EPHA6: variants seen among roughly 807,000 people sequenced by gnomAD.
The protein encoded by EPHA6 is ephrin type-A receptor 6.
In EPHA6, 50 loss-of-function variants were observed where a neutral mutation model predicts 112.0. The observed-to-expected ratio is 0.45, with a 90% CI of 0.36 to 0.56. EPHA6 has a LOEUF of 0.56. Ranked by LOEUF, EPHA6 falls within the 20% of genes least tolerant of loss-of-function variation. The probability of loss-of-function intolerance (pLI) is 0.00; values close to 1 mark genes in which losing one functional copy is unlikely to be tolerated. For missense variants in EPHA6, 1,280 were observed against 1,417.4 expected (o/e 0.90, Z 1.56); for synonymous variants, 529 against 490.7 (o/e 1.08, Z -1.03).
At chr3:96,973,331 C>T (rs555233569) in intron 2 of EPHA6, among the ~76,000 whole-genome samples, 1 of 152,230 alleles carries the variant, frequency 6.6e-6, no homozygotes, top group East Asian at 1.9e-4. Flanking sequence ...AATCCTGTAC[C>T]ATGTATATCC....
chr3:97,023,572 A>G (rs968457316), intron 3 of EPHA6, among the ~76,000 whole-genome samples: 3 of 152,080 alleles, frequency 2.0e-5, no homozygotes, highest in African/African-American at 7.2e-5. Flanking sequence ...TGTTAGATAT[A>G]ATATTAGCAA....
At chr3:97,105,487 C>CA in intron 3 of EPHA6, among the ~76,000 whole-genome samples, 1 of 152,062 alleles carries the variant, frequency 6.6e-6, no homozygotes, top group African/African-American at 2.4e-5. Context: ...GTCTTGATTT[C>CA]TGTTTCTATT....
intron 3 of EPHA6, among the ~76,000 whole-genome samples, chr3:97,039,874 C>A (rs919318898): frequency 2.0e-4 from 30 of 151,802 alleles, no homozygotes; most frequent in African/African-American, 7.3e-4. Context: ...TCAAAGCCAG[C>A]CCTCGTAACC....
At chr3:97,217,181 A>G (rs1254338848) in intron 3 of EPHA6, among the ~76,000 whole-genome samples, 2 of 152,206 alleles carry the variant, frequency 1.3e-5, no homozygotes, top group Non-Finnish European at 2.9e-5. Context: ...CTGAGAGTTC[A>G]GGGAAATCAA....
At chr3:97,266,633 G>A (rs1559839109) in intron 5 of EPHA6, among the ~76,000 whole-genome samples, 1 of 152,114 alleles carries the variant, frequency 6.6e-6, no homozygotes, top group Non-Finnish European at 1.5e-5. Context: ...GCAAAAGCCT[G>A]GGTAGATTTG....
chr3:97,482,745 C>G (rs2091589061), intron 9 of EPHA6, among the ~76,000 whole-genome samples: 1 of 152,120 alleles, frequency 6.6e-6, no homozygotes, highest in African/African-American at 2.4e-5. Context: ...ACAGTTAACG[C>G]TGGGTATTAT....
At chr3:96,848,158 A>G (rs1055425141) in intron 1 of EPHA6, among the ~76,000 whole-genome samples, 5 of 152,174 alleles carry the variant, frequency 3.3e-5, no homozygotes, top group Non-Finnish European at 7.4e-5. Flanking sequence ...TAATTTTAAT[A>G]TGCTTGTTTT....
intron 2 of EPHA6, among the ~76,000 whole-genome samples, chr3:96,960,732 C>T (rs1052781469): frequency 6.6e-6 from 1 of 152,166 alleles, no homozygotes; most frequent in Non-Finnish European, 1.5e-5. Flanking sequence ...ACACCTTCAT[C>T]AAAACTTTAT....
At chr3:97,406,126 T>C (rs2109132880) in intron 6 of EPHA6, among the ~76,000 whole-genome samples, 1 of 152,288 alleles carries the variant, frequency 6.6e-6, no homozygotes, top group South Asian at 2.1e-4. Context: ...TGCATTTCTG[T>C]CCCTTACTAG....
rs776657215 is a variant in EPHA6, at chr3:97,592,737, G to A, written c.2512G>A (p.Gly838Ser). Residue 838 changes from glycine to serine, a missense_variant and splice_region_variant, in exon 12 of 18, where the codon GGC (glycine) becomes AGC (serine). By Grantham distance (56) the Gly-to-Ser change is moderately conservative (BLOSUM62 0). Transcript: ENST00000389672. ...GGSLPPRIPA[G>S]RPVMIVVEYM... ...ATCTTTGCCCCCCAGGATTCCTGCTGGTAGGTATTTCAGGTGAAGTTTTCT... is the reference window on the plus strand; with the variant it reads ...ATCTTTGCCCCCCAGGATTCCTGCTAGTAGGTATTTCAGGTGAAGTTTTCT... 6 of 1,584,800 alleles carry A rather than the reference G, an allele frequency of 3.8e-6. No homozygotes were observed. The East Asian group carries it at 1.4e-4, about 36-fold the overall frequency.
intron 5 of EPHA6, among the ~76,000 whole-genome samples, chr3:97,253,420 G>A (rs182205475): frequency 1.6e-4 from 25 of 152,178 alleles, no homozygotes; most frequent in Non-Finnish European, 3.4e-4. Context: ...TAGGTCTAAG[G>A]GTGGATTTCA....
chr3:97,568,161 A>G (rs1288642523), intron 11 of EPHA6, among the ~76,000 whole-genome samples: 1 of 152,186 alleles, frequency 6.6e-6, no homozygotes, highest in Admixed American at 6.5e-5. Flanking sequence ...AAGTCTCTTA[A>G]TAGCGAGAAT....
chr3:97,023,057 A>G (rs1222760113), intron 3 of EPHA6, among the ~76,000 whole-genome samples: 1 of 152,130 alleles, frequency 6.6e-6, no homozygotes. Context: ...GCAATAAAGT[A>G]TCTGTGGATC....
intron 5 of EPHA6, among the ~76,000 whole-genome samples, chr3:97,319,473 G>A (rs189592288): frequency 1.3e-5 from 2 of 151,310 alleles, no homozygotes; most frequent in African/African-American, 2.4e-5. Context: ...TTCGAGACCA[G>A]CCTGACCAAC....
chr3:97,592,272 G>A (rs529970935), intron 11 of EPHA6, among the ~76,000 whole-genome samples: 6 of 152,208 alleles, frequency 3.9e-5, no homozygotes, highest in African/African-American at 1.4e-4. Context: ...AACTCATGTA[G>A]GCATGAATTC....
intron 1 of EPHA6, among the ~76,000 whole-genome samples, chr3:96,818,026 GA>G (rs1485596130): frequency 6.6e-6 from 1 of 151,894 alleles, no homozygotes; most frequent in African/African-American, 2.4e-5. Context: ...TAAGTAAGTG[GA>G]AACATGAATT....
At chr3:97,439,817 G>T (rs1387382769) in intron 6 of EPHA6, among the ~76,000 whole-genome samples, 1 of 152,162 alleles carries the variant, frequency 6.6e-6, no homozygotes, top group African/African-American at 2.4e-5. Flanking sequence ...ATTATAGTTA[G>T]ATCTGGTTAT....
At position 97,746,484 on chromosome 3, in the gene EPHA6, T is replaced by G. The variant is rs1030303954; in HGVS notation, c.3129-939T>G. Among the ~76,000 whole-genome samples the G allele has an allele frequency of 3.3e-5, 5 of 151,844 alleles. No individual in the cohort carries two copies. In the East Asian group the frequency reaches 9.6e-4, roughly 29 times the overall value. ...TAATACAATTTATTGTCAGAATGGCTTAAATACACAATTCTGAGTTACTTT... is the reference window on the plus strand; with the variant it reads ...TAATACAATTTATTGTCAGAATGGCGTAAATACACAATTCTGAGTTACTTT... On this transcript the variant is annotated intron_variant, in intron 16 of 17. Transcript: ENST00000389672.
intron 2 of EPHA6, among the ~76,000 whole-genome samples, chr3:96,974,711 G>A (rs1326310179): frequency 1.3e-5 from 2 of 151,772 alleles, no homozygotes; most frequent in African/African-American, 4.8e-5. Flanking sequence ...TTTGGATCAA[G>A]GAATGACTAT....
Sources: gnomAD v4.1 joint callset for allele counts (sites outside exome capture counted in the v4.1 genomes callset) on GRCh38, gnomAD v4.1.1 for gene constraint, MANE v1.5 for transcripts, NCBI Gene and HGNC (gene_info 2026-07-23, HGNC 2026-07-21) for gene names.